Variants in CNTNAP2 observed in about 807,000 individuals in gnomAD.
The protein encoded by CNTNAP2 is contactin-associated protein-like 2.
Under a neutral mutation model 155.2 loss-of-function variants are expected in CNTNAP2, and 98 were observed. The observed-to-expected ratio is 0.63, with a 90% CI of 0.54 to 0.75. CNTNAP2 has a LOEUF of 0.75. Ranked by LOEUF, CNTNAP2 falls within the 30% of genes least tolerant of loss-of-function variation. The pLI, the probability that CNTNAP2 is intolerant of heterozygous loss-of-function variation, is 0.00. For missense variants in CNTNAP2, 1,727 were observed against 1,688.1 expected, an observed-to-expected ratio of 1.02 and a Z score of -0.40; for synonymous variants, 651 against 631.2, an observed-to-expected ratio of 1.03 and a Z score of -0.47.
chr7:147,799,265 G>T (rs1214133148), intron 13 of CNTNAP2, among the ~76,000 whole-genome samples: 1 of 152,144 alleles, frequency 6.6e-6, no homozygotes, highest in Non-Finnish European at 1.5e-5. Flanking sequence ...GAGGAAAGAT[G>T]AAGTTTTTCT....
rs941376651 is a variant in CNTNAP2 at position 146,149,189 on chromosome 7, A to T, written c.97+32216A>T. ...AGATCTTAAAGTATAATAATAATAA[A>T]AAATTTGGACCACAAAAAAAAATAT... On this transcript the variant is annotated intron_variant, in intron 1 of 23. Transcript: ENST00000361727. 2.6e-5 allele frequency among the ~76,000 whole-genome samples: 4 copies of T among 152,248 alleles called. No individual in the cohort carries two copies. In the South Asian group the frequency reaches 8.3e-4, roughly 32 times the overall value.
intron 21 of CNTNAP2, among the ~76,000 whole-genome samples, chr7:148,331,134 T>A (rs1487029668): frequency 2.3e-5 from 3 of 129,486 alleles, no homozygotes; most frequent in Non-Finnish European, 4.8e-5. Context: ...GATGGGTGGA[T>A]GGATGGATGG....
At chr7:147,744,271 C>T (rs1584933513) in intron 13 of CNTNAP2, among the ~76,000 whole-genome samples, 8 of 152,128 alleles carry the variant, frequency 5.3e-5, no homozygotes, top group South Asian at 2.1e-4. Context: ...AGCCATCTGC[C>T]CCTTTTTACA....
At chr7:146,926,412 G>A (rs139904092) in intron 3 of CNTNAP2, among the ~76,000 whole-genome samples, 43 of 152,180 alleles carry the variant, frequency 2.8e-4, no homozygotes, top group Admixed American at 2.4e-3. Flanking sequence ...AATTCCAACT[G>A]AGTTTATGTC....
At chr7:147,857,188 T>C (rs1180299582) in intron 13 of CNTNAP2, among the ~76,000 whole-genome samples, 2 of 152,342 alleles carry the variant, frequency 1.3e-5, no homozygotes, top group East Asian at 3.9e-4. Flanking sequence ...TAAAATTATG[T>C]AAAGGTTAAT....
chr7:146,796,329 G>A (rs988489143), intron 2 of CNTNAP2, among the ~76,000 whole-genome samples: 1 of 152,124 alleles, frequency 6.6e-6, no homozygotes, highest in African/African-American at 2.4e-5. Flanking sequence ...ACATGAGAAC[G>A]ACCGTCACAT....
intron 1 of CNTNAP2, among the ~76,000 whole-genome samples, chr7:146,438,091 C>T (rs1467711326): frequency 6.6e-6 from 1 of 151,170 alleles, no homozygotes. Flanking sequence ...GGTTTGCTAT[C>T]GAGACGTAAT....
chr7:146,202,642 T>C (rs1208747891), intron 1 of CNTNAP2, among the ~76,000 whole-genome samples: 1 of 152,096 alleles, frequency 6.6e-6, no homozygotes, highest in East Asian at 1.9e-4. Context: ...GAATATAAAA[T>C]GTCTACTAGA....
rs115555427 is a variant in CNTNAP2, at chr7:147,454,305, G to C, written c.1671-31630G>C. 8.5e-3 allele frequency among the ~76,000 whole-genome samples: 1,297 copies of C among 152,178 alleles called. 21 individuals carry two copies. Among genetic ancestry groups the C allele is most frequent in the African/African-American group, 0.03 (1,237 of 41,516 alleles). On this transcript the variant is annotated intron_variant, in intron 10 of 23. Coordinates refer to ENST00000361727, the MANE Select transcript of CNTNAP2 (RefSeq NM_014141.6). ...TTATATTTTGTTTATTTTGCAATAG[G>C]ACGTCGAGTTTAAGTAAACTATGTG... is the stretch of plus-strand genomic sequence containing the variant.
chr7:147,798,998 A>C (rs1584960786), intron 13 of CNTNAP2, among the ~76,000 whole-genome samples: 1 of 152,164 alleles, frequency 6.6e-6, no homozygotes, highest in Admixed American at 6.5e-5. Flanking sequence ...GCTGAAGCTC[A>C]CCTTCTCTCA....
chr7:147,305,937 C>T (rs1204637641), intron 9 of CNTNAP2, among the ~76,000 whole-genome samples: 3 of 152,134 alleles, frequency 2.0e-5, no homozygotes, highest in African/African-American at 7.2e-5. Context: ...AGATACCTCC[C>T]TCCAGTCTCT....
intron 15 of CNTNAP2, among the ~76,000 whole-genome samples, chr7:148,017,154 C>T (rs547762203): frequency 2.9e-4 from 44 of 152,314 alleles, no homozygotes; most frequent in Admixed American, 5.2e-4. Flanking sequence ...TTCTCATCTG[C>T]GTATGGTTGC....
intron 22 of CNTNAP2, among the ~76,000 whole-genome samples, chr7:148,403,316 G>A (rs1799631052): frequency 6.6e-6 from 1 of 151,966 alleles, no homozygotes; most frequent in South Asian, 2.1e-4. Context: ...AAGGGCACGT[G>A]CAAGGGAAAT....
rs1245529730 is a variant in CNTNAP2 at position 148,394,015 on chromosome 7, G to A, written c.3715+10127G>A. The stretch of plus-strand genomic sequence containing the variant: ...TCATCTCAATTTTTTTGAATTTATG[G>A]GATTTTTTTTTCCATGTAAAAGTTA... On this transcript the variant is annotated intron_variant, in intron 22 of 23. Coordinates refer to ENST00000361727, the MANE Select transcript of CNTNAP2 (RefSeq NM_014141.6). Among the ~76,000 whole-genome samples, 59 of 150,884 alleles carry A rather than the reference G, an allele frequency of 3.9e-4. 1 individual carries two copies. Among genetic ancestry groups the A allele is most frequent in the Admixed American group, 3.9e-3 (59 of 15,160 alleles).
At chr7:147,096,164 ACTATGATC>A (rs1563075299) in intron 4 of CNTNAP2, among the ~76,000 whole-genome samples, 2 of 152,210 alleles carry the variant, frequency 1.3e-5, no homozygotes, top group Non-Finnish European at 2.9e-5. Flanking sequence ...TTTCAGATTT[ACTATGATC>A]CATGAAGTCT....
At chr7:146,388,575 C>T (rs1243196516) in intron 1 of CNTNAP2, among the ~76,000 whole-genome samples, 3 of 152,064 alleles carry the variant, frequency 2.0e-5, no homozygotes, top group Non-Finnish European at 4.4e-5. Flanking sequence ...GGGGATCCAT[C>T]CCCTCAGGCA....
At chr7:147,408,559 G>A (rs1797049201) in intron 10 of CNTNAP2, among the ~76,000 whole-genome samples, 1 of 152,306 alleles carries the variant, frequency 6.6e-6, no homozygotes, top group Middle Eastern at 3.4e-3. Flanking sequence ...AGGAGATCGA[G>A]ACCATCCTGG....
intron 1 of CNTNAP2, among the ~76,000 whole-genome samples, chr7:146,718,443 G>C (rs562093570): frequency 6.6e-6 from 1 of 152,154 alleles, no homozygotes; most frequent in Admixed American, 6.5e-5. Flanking sequence ...GGGTGCTAAG[G>C]ACTGCTTGGA....
chr7:146,227,328 G>A (rs1799309875), intron 1 of CNTNAP2, among the ~76,000 whole-genome samples: 1 of 149,780 alleles, frequency 6.7e-6, no homozygotes, highest in Admixed American at 6.8e-5. Flanking sequence ...GGGAGGCTGA[G>A]ACAGCAGAAT....
Sources: gnomAD v4.1 joint callset for allele counts (sites outside exome capture counted in the v4.1 genomes callset) on GRCh38, gnomAD v4.1.1 for gene constraint, MANE v1.5 for transcripts, NCBI Gene and HGNC (gene_info 2026-07-23, HGNC 2026-07-21) for gene names.